The following LPIN3 variants were observed in gnomAD, a reference collection of about 807,000 sequenced individuals.
LPIN3 encodes the protein phosphatidate phosphatase LPIN3.
LPIN3 carries 82 observed loss-of-function variants against 94.7 expected under a neutral mutation model. The observed-to-expected ratio is 0.87, with a 90% CI of 0.72 to 1.04. LPIN3 has a LOEUF of 1.04. LPIN3 is among the 50% of genes least tolerant of loss of function. The pLI is 0.00. For missense variants in LPIN3, 996 were observed against 1,090.5 expected, an observed-to-expected ratio of 0.91 and a Z score of 1.22; for synonymous variants, 418 against 443.3, an observed-to-expected ratio of 0.94 and a Z score of 0.72.
At position 41,350,318 on chromosome 20, in the gene LPIN3, T is replaced by A. The variant is rs757023703; in HGVS notation, c.1023T>A (p.Pro341=). ...TQSSGDMGLP[P]ASKSWSWATL... ...GCTCTGGGGACATGGGCCTCCCTCC[T>A]GCCTCCAAGTCATGGAGCTGGGCCA... The change falls in exon 7 of 20, where the codon CCT becomes CCA. Residue 341 remains proline (P), a synonymous_variant. Coordinates refer to ENST00000373257, the MANE Select transcript of LPIN3 (RefSeq NM_022896.3). 2 of 1,611,602 alleles carry A rather than the reference T, an allele frequency of 1.2e-6. No individual in the cohort carries two copies.
chr20:41,341,327 T>A (rs367649649), intron 1 of LPIN3, among the ~76,000 whole-genome samples: 8 of 152,332 alleles, frequency 5.3e-5, no homozygotes, highest in African/African-American at 1.9e-4. Flanking sequence ...GTGTCCTCAG[T>A]TGCAAAACAG....
At chr20:41,352,344 G>A in intron 9 of LPIN3, 124 bp downstream of exon 9, 1 of 1,152,764 alleles carries the variant, frequency 8.7e-7, no homozygotes, top group East Asian at 2.4e-5. Flanking sequence ...GCAGCTCTCT[G>A]CCCTGTGCAG....
intron 1 of LPIN3, among the ~76,000 whole-genome samples, chr20:41,341,844 G>A (rs548994205): frequency 6.6e-6 from 1 of 152,200 alleles, no homozygotes; most frequent in Non-Finnish European, 1.5e-5. Context: ...GGGTGTGGTG[G>A]CACACGCCTG....
chr20:41,348,755 G>A lies in LPIN3; in HGVS notation c.425G>A (p.Arg142Lys). 3 of 1,613,438 alleles carry A rather than the reference G, an allele frequency of 1.9e-6. No individual in the cohort carries two copies. The highest frequency in any genetic ancestry group is 2.2e-5 in the South Asian group (2 of 90,942). ...VMAGTASTGR[R>K]KRRRRRKPKQ... ...GCAGGCACGGCCTCCACTGGGCGGAGGAAGAGGCGTCGCAGGAGGAAACCC... is the reference window on the plus strand; with the variant it reads ...GCAGGCACGGCCTCCACTGGGCGGAAGAAGAGGCGTCGCAGGAGGAAACCC... Residue 142 changes from arginine to lysine, a missense_variant, in exon 4 of 20, where the codon AGG becomes AAG. Coordinates refer to ENST00000373257, the MANE Select transcript of LPIN3 (RefSeq NM_022896.3).
chr20:41,354,927 G>A, intron 13 of LPIN3, 64 bp downstream of exon 13: 1 of 1,504,020 alleles, frequency 6.6e-7, no homozygotes, highest in South Asian at 1.3e-5. Flanking sequence ...CTGGGTGCAG[G>A]TGGGTGGCAG....
chr20:41,352,553 GC>G, intron 9 of LPIN3, 52 bp from the exon 10 acceptor site: 1 of 1,494,858 alleles, frequency 6.7e-7, no homozygotes, highest in Admixed American at 1.7e-5. Flanking sequence ...GGCTGGGGCA[GC>G]GGGTCACATG....
intron 15 of LPIN3, 43 bp downstream of exon 15, chr20:41,357,231 T>C: frequency 6.2e-7 from 1 of 1,611,400 alleles, no homozygotes; most frequent in Admixed American, 1.7e-5. Flanking sequence ...AGAGGGGTTG[T>C]GGACTCGCCT....
chr20:41,345,747 G>A, intron 1 of LPIN3, 49 bp from the exon 2 acceptor site: 2 of 1,546,660 alleles, frequency 1.3e-6, no homozygotes, highest in Non-Finnish European at 1.8e-6. Flanking sequence ...AGCTTCTTGT[G>A]GAGGAGCTGG....
rs771533115 is a variant in LPIN3 at position 41,346,145 on chromosome 20, G to C, written c.192+150G>C. 281 of 874,852 alleles carry C rather than the reference G, an allele frequency of 3.2e-4. 1 individual carries two copies. The highest frequency in any genetic ancestry group is 4.5e-4 in the Non-Finnish European group (267 of 588,454). The allele number at this position is 874,852 out of a possible 1,614,324, so 54.2% of individuals were successfully genotyped here. A position where few individuals can be genotyped will look rare whatever the true frequency, so the allele number is the denominator to read the frequency against. Reference sequence around the variant, plus strand: ...TCCCTTCATTTGTACTTTCTTTGAAGGTTTTTGGGTTGATTTGGGGGTTTT... The same window carrying C: ...TCCCTTCATTTGTACTTTCTTTGAACGTTTTTGGGTTGATTTGGGGGTTTT... On this transcript the variant is annotated intron_variant, in intron 2 of 19. Coordinates refer to ENST00000373257, the MANE Select transcript of LPIN3 (RefSeq NM_022896.3).
chr20:41,348,536 C>T, intron 3 of LPIN3, 83 bp from the exon 4 acceptor site: 1 of 1,518,556 alleles, frequency 6.6e-7, no homozygotes, highest in Non-Finnish European at 8.8e-7. Flanking sequence ...GGCTGGGACC[C>T]AGGCAAGGCT....
At chr20:41,349,996 G>A (rs2045944962) in intron 6 of LPIN3, 59 bp from the exon 7 acceptor site, 1 of 1,559,334 alleles carries the variant, frequency 6.4e-7, no homozygotes, top group African/African-American at 1.4e-5. Flanking sequence ...TGCCCCAAAA[G>A]CTTTGTGGGG....
intron 14 of LPIN3, 139 bp from the exon 15 acceptor site, chr20:41,356,901 G>A: frequency 9.7e-7 from 1 of 1,034,964 alleles, no homozygotes; most frequent in Non-Finnish European, 1.4e-6. Flanking sequence ...TATCTCTGAT[G>A]AATCCAAGAA....
In LPIN3 at chr20:41,348,770, G is replaced by A; in HGVS notation, c.440G>A (p.Arg147Lys). 1 of 1,613,026 alleles carries A rather than the reference G, an allele frequency of 6.2e-7. No individual in the cohort carries two copies. The highest frequency in any genetic ancestry group is 1.1e-5 in the South Asian group (1 of 90,864). The change falls in exon 4 of 20, where the codon AGG (arginine) becomes AAG (lysine). Residue 147 changes from arginine (R) to lysine (K), a missense_variant. Coordinates refer to ENST00000373257, the MANE Select transcript of LPIN3 (RefSeq NM_022896.3). ...ASTGRRKRRR[R>K]RKPKQKEDAV... Reference sequence around the variant, plus strand: ...ACTGGGCGGAGGAAGAGGCGTCGCAGGAGGAAACCCAAGCAGAAAGAGGAT... The same window carrying A: ...ACTGGGCGGAGGAAGAGGCGTCGCAAGAGGAAACCCAAGCAGAAAGAGGAT...
intron 1 of LPIN3, among the ~76,000 whole-genome samples, chr20:41,341,442 A>C: frequency 6.6e-6 from 1 of 150,596 alleles, no homozygotes; most frequent in Admixed American, 6.6e-5. Context: ...AGGAGTGCTT[A>C]CTCTCCTGCT....
At chr20:41,351,021 A>G (rs2045988769) in intron 7 of LPIN3, among the ~76,000 whole-genome samples, 1 of 151,976 alleles carries the variant, frequency 6.6e-6, no homozygotes, top group South Asian at 2.1e-4. Context: ...TGAGGTGGGA[A>G]GATTGCTTGA....
chr20:41,348,772 A>G lies in LPIN3; in HGVS notation c.442A>G (p.Arg148Gly). The change falls in exon 4 of 20, where the codon AGG becomes GGG. Residue 148 changes from arginine (R) to glycine (G), a missense_variant. Transcript: ENST00000373257. Reference sequence around the variant, plus strand: ...TGGGCGGAGGAAGAGGCGTCGCAGGAGGAAACCCAAGCAGAAAGAGGATGC... The same window carrying G: ...TGGGCGGAGGAAGAGGCGTCGCAGGGGGAAACCCAAGCAGAAAGAGGATGC... The part of the protein sequence containing the change: ...STGRRKRRRR[R>G]KPKQKEDAVA... 1 of 1,612,932 alleles carries G rather than the reference A, an allele frequency of 6.2e-7. No individual in the cohort carries two copies. Among genetic ancestry groups the G allele is most frequent in the Non-Finnish European group, 8.5e-7 (1 of 1,179,606 alleles).
rs1464415264 is a variant in LPIN3 at position 41,360,291 on chromosome 20, T to C, written c.*1425T>C. Reference sequence around the variant, plus strand: ...TGTTAAAAGCAAGGCTTGGAGCCCCTTTCCTCCAGCTGGTGGCTCCTTCTC... The same window carrying C: ...TGTTAAAAGCAAGGCTTGGAGCCCCCTTCCTCCAGCTGGTGGCTCCTTCTC... On this transcript the variant is annotated 3_prime_UTR_variant, in exon 20 of 20. Coordinates refer to ENST00000373257, the MANE Select transcript of LPIN3 (RefSeq NM_022896.3). The C allele has an allele frequency of 2.0e-5, 3 of 152,290 alleles. No homozygotes were observed. Among genetic ancestry groups the C allele is most frequent in the African/African-American group, 4.8e-5 (2 of 41,450 alleles). 9.4% of individuals were successfully genotyped at this position (152,290 alleles called of 1,614,324 possible).
In LPIN3 at chr20:41,352,215, C is replaced by T. The variant is rs1211239337; in HGVS notation, c.1358C>T (p.Ser453Phe). The T allele has an allele frequency of 5.0e-6, 8 of 1,614,136 alleles. No homozygotes were observed. Among genetic ancestry groups the T allele is most frequent in the Non-Finnish European group, 6.8e-6 (8 of 1,180,018 alleles). ...GGACTGGCTGACAGCCGGGACATCT[C>T]CCTAGGTATGTTCGACCATGGCCAA... is the stretch of plus-strand genomic sequence containing the variant. ...CGGLADSRDI[S>F]LEKFNQHSVS... The change falls in exon 9 of 20, where the codon TCC becomes TTC. Residue 453 changes from serine to phenylalanine, a missense_variant. Ser to Phe is a radical substitution (Grantham distance 155). Transcript: ENST00000373257.
chr20:41,358,656 G>C, intron 19 of LPIN3, 66 bp from the exon 20 acceptor site: 1 of 1,606,474 alleles, frequency 6.2e-7, no homozygotes, highest in Non-Finnish European at 8.5e-7. Context: ...CTCTGGGACA[G>C]ACCCATGGCC....
Sources: allele counts gnomAD v4.1 joint callset (sites outside exome capture counted in the v4.1 genomes callset), GRCh38; gene constraint gnomAD v4.1.1; transcripts MANE v1.5; gene names NCBI Gene and HGNC (gene_info 2026-07-23, HGNC 2026-07-21).